ANKRD66: variants seen among roughly 807,000 people sequenced by gnomAD.
ANKRD66 encodes the protein ankyrin repeat domain 66, also known as ankyrin repeat domain-containing protein 66.
Under a neutral mutation model 10.9 loss-of-function variants are expected in ANKRD66, and 10 were observed. That is an observed-to-expected ratio of 0.91 (90% CI 0.56 to 1.55). The LOEUF is 1.55. Ranked by LOEUF, ANKRD66 falls within the 40% of genes most tolerant of loss-of-function variation. The probability of loss-of-function intolerance (pLI) is 0.00; values close to 1 mark genes in which losing one functional copy is unlikely to be tolerated. For missense variants in ANKRD66, 252 were observed against 242.9 expected, an observed-to-expected ratio of 1.04 and a Z score of -0.25; for synonymous variants, 85 against 88.4, an observed-to-expected ratio of 0.96 and a Z score of 0.22.
At chr6:46,749,678 T>C (rs1463646421) in intron 1 of ANKRD66, among the ~76,000 whole-genome samples, 1 of 151,526 alleles carries the variant, frequency 6.6e-6, no homozygotes, top group African/African-American at 2.4e-5. Context: ...TTGCAGCATG[T>C]GACTCTGGAC....
At chr6:46,748,670 A>G (rs1240505666) in intron 1 of ANKRD66, among the ~76,000 whole-genome samples, 20 of 152,172 alleles carry the variant, frequency 1.3e-4, no homozygotes, top group Admixed American at 1.3e-3. Context: ...TGTCCTGCAC[A>G]CCCAAAGATT....
Position 46,751,989 on chromosome 6 carries a change from A to G in ANKRD66, c.41A>G (p.Gln14Arg), listed in dbSNP as rs761185909. 3 of 1,507,552 alleles carry G rather than the reference A, an allele frequency of 2.0e-6. No individual in the cohort carries two copies. The African/African-American group carries it at 4.3e-5, about 22-fold the overall frequency. 93.4% of individuals were successfully genotyped at this position (1,507,552 alleles called of 1,614,324 possible). ...ATGTCAGACATGACAAAGCTTCACC[A>G]AGCTGTGGCTGCAGGAGACTACAGC... ...AKMSDMTKLH[Q>R]AVAAGDYSLV... is the part of the protein sequence containing the mutation. Residue 14 changes from glutamine (Q) to arginine (R), a missense_variant, in exon 3 of 5, where the codon CAA becomes CGA. Transcript: ENST00000565422.
chr6:46,753,650 C>A (rs1766313753), intron 3 of ANKRD66, 72 bp from the exon 4 acceptor site: 2 of 1,401,758 alleles, frequency 1.4e-6, no homozygotes, highest in Non-Finnish European at 1.9e-6. Flanking sequence ...GTTACCTAGA[C>A]TGGCCCTGGC....
chr6:46,754,341 C>T (rs113243123), intron 4 of ANKRD66, among the ~76,000 whole-genome samples: 6,701 of 152,198 alleles, frequency 0.044, 214 homozygotes, highest in Non-Finnish European at 0.074. Flanking sequence ...TAAAACGAGG[C>T]AGGTGAATTA....
chr6:46,757,543 T>C (rs1197169513), intron 4 of ANKRD66: 1 of 152,176 alleles, frequency 6.6e-6, no homozygotes, highest in Non-Finnish European at 1.5e-5. Flanking sequence ...CTGCGTGGGA[T>C]TGAAGACTGC....
In ANKRD66 at chr6:46,752,081, C is replaced by A; in HGVS notation, c.133C>A (p.Arg45=). The change falls in exon 3 of 5, where the codon CGG becomes AGG. Residue 45 remains arginine, a synonymous_variant. Transcript: ENST00000565422. ...PNYKDVDWND[R]TPLHWAAIKG... ...CTACAAAGATGTAGACTGGAATGAC[C>A]GGACCCCACTTCACTGGGCTGCAAT... 1 of 1,511,296 alleles carries A rather than the reference C, an allele frequency of 6.6e-7. No homozygotes were observed. The highest frequency in any genetic ancestry group is 2.3e-5 in the Admixed American group (1 of 43,516). 93.6% of individuals were successfully genotyped at this position (1,511,296 alleles called of 1,614,324 possible).
intron 1 of ANKRD66, among the ~76,000 whole-genome samples, chr6:46,748,777 T>G (rs1766198320): frequency 6.6e-6 from 1 of 152,190 alleles, no homozygotes; most frequent in Non-Finnish European, 1.5e-5. Context: ...TGCCACATCC[T>G]TACTCCCTCC....
rs1194901982 is a variant in ANKRD66, at chr6:46,747,026, T to C, written c.-97+36T>C. On this transcript the variant is annotated intron_variant, in intron 1 of 4. Transcript: ENST00000565422. Reference sequence around the variant, plus strand: ...TTAAGTTACCCTCTCTTATTTACTATAGTTATTAAAAATCACTCACATTTA... The same window carrying C: ...TTAAGTTACCCTCTCTTATTTACTACAGTTATTAAAAATCACTCACATTTA... 7.2e-6 allele frequency: 11 copies of C among 1,527,200 alleles called. No homozygotes were observed. The African/African-American group carries it at 1.5e-4, about 21-fold the overall frequency. The allele number at this position is 1,527,200 out of a possible 1,614,324, so 94.6% of individuals were successfully genotyped here.
In ANKRD66 at chr6:46,758,984, CA is replaced by C; in HGVS notation, c.*64del. The C allele has an allele frequency of 6.9e-7, 1 of 1,453,018 alleles. No homozygotes were observed. 90.0% of individuals were successfully genotyped at this position (1,453,018 alleles called of 1,614,324 possible). A position where few individuals can be genotyped will look rare whatever the true frequency, so the allele number is the denominator to read the frequency against. The stretch of plus-strand genomic sequence containing the variant: ...TGGTGCCAGAAATGAGGCTGTTAGG[CA>C]TGGTGGCCTTTCCATGACTTTACTC... On this transcript the variant is annotated 3_prime_UTR_variant, in exon 5 of 5. Coordinates refer to ENST00000565422, the MANE Select transcript of ANKRD66 (RefSeq NM_001162435.3).
chr6:46,749,557 C>CCCCG (rs1562089760), intron 1 of ANKRD66, among the ~76,000 whole-genome samples: 1 of 96,334 alleles, frequency 1.0e-5, no homozygotes, highest in African/African-American at 4.2e-5. Flanking sequence ...TATTCCCCCC[C>CCCCG]CCCCCCCCCC....
rs1766318346 is a variant in ANKRD66 at position 46,753,849 on chromosome 6, T to C, written c.291T>C (p.His97=). Residue 97 remains histidine, a synonymous_variant, in exon 4 of 5, where the codon CAT becomes CAC. Coordinates refer to ENST00000565422, the MANE Select transcript of ANKRD66 (RefSeq NM_001162435.3). ...AGHLNILKTL[H]ALHAAIDAPD... ...ATCTGAATATACTCAAAACTCTCCATGCATTGCACGCTGCCATCGACGCCC... is the reference window on the plus strand; with the variant it reads ...ATCTGAATATACTCAAAACTCTCCACGCATTGCACGCTGCCATCGACGCCC... The C allele has an allele frequency of 1.3e-6, 2 of 1,551,606 alleles. No individual in the cohort carries two copies. Among genetic ancestry groups the C allele is most frequent in the Non-Finnish European group, 1.7e-6 (2 of 1,147,002 alleles).
rs1344542935 is a variant in ANKRD66, at chr6:46,749,783, T to G, written c.-96-113T>G. The G allele has an allele frequency of 1.1e-5, 15 of 1,336,746 alleles. No individual in the cohort carries two copies. The South Asian group carries it at 1.7e-4, about 15-fold the overall frequency. The allele number at this position is 1,336,746 out of a possible 1,614,324, so 82.8% of individuals were successfully genotyped here. ...CATCAGGACCCAGCTTAGGCCACTT[T>G]TAGAGAAAGCTCTTTTACTTTCCGG... On this transcript the variant is annotated intron_variant, in intron 1 of 4. Transcript: ENST00000565422.
At position 46,758,704 on chromosome 6, in the gene ANKRD66, G is replaced by A; in HGVS notation, c.393-19G>A. ...GGTCCTCCTGATCCAAGTTCAGAAG[G>A]CTCTCTCTTCTTTCCTAGGGCAGAG... On this transcript the variant is annotated intron_variant, in intron 4 of 4. Coordinates refer to ENST00000565422, the MANE Select transcript of ANKRD66 (RefSeq NM_001162435.3). 6.5e-7 allele frequency: 1 copy of A among 1,529,420 alleles called. No individual in the cohort carries two copies. Among genetic ancestry groups the A allele is most frequent in the Non-Finnish European group, 8.8e-7 (1 of 1,138,702 alleles). 94.7% of individuals were successfully genotyped at this position (1,529,420 alleles called of 1,614,324 possible).
At chr6:46,752,193 G>A in intron 3 of ANKRD66, 82 bp downstream of exon 3, 2 of 1,305,970 alleles carry the variant, frequency 1.5e-6, no homozygotes, top group South Asian at 2.1e-5. Flanking sequence ...ATGTGGGGGA[G>A]TGGAACAAAC....
At position 46,749,844 on chromosome 6, in the gene ANKRD66, C is replaced by T. The variant is rs1338223454; in HGVS notation, c.-96-52C>T. ...TGGTTCTTTCTCTCTGTCCTCTGGG[C>T]ATTTAGGGCATTGCATTTTAATTAC... is the stretch of plus-strand genomic sequence containing the variant. On this transcript the variant is annotated intron_variant, in intron 1 of 4. Coordinates refer to ENST00000565422, the MANE Select transcript of ANKRD66 (RefSeq NM_001162435.3). The T allele has an allele frequency of 1.3e-5, 20 of 1,524,752 alleles. 1 individual carries two copies. Among genetic ancestry groups the T allele is most frequent in the South Asian group, 4.9e-5 (4 of 81,220 alleles). 94.5% of individuals were successfully genotyped at this position (1,524,752 alleles called of 1,614,324 possible).
chr6:46,753,780 T>C lies in ANKRD66; in HGVS notation c.222T>C (p.Thr74=). The change falls in exon 4 of 5, where the codon ACT becomes ACC. Residue 74 remains threonine, a synonymous_variant. Coordinates refer to ENST00000565422, the MANE Select transcript of ANKRD66 (RefSeq NM_001162435.3). ...ATGGAGCCAGGCCCTGCCTGGTTACTAGTGTGGGCTGGACCCCAGCTCATT... is the reference window on the plus strand; with the variant it reads ...ATGGAGCCAGGCCCTGCCTGGTTACCAGTGTGGGCTGGACCCCAGCTCATT... The part of the protein sequence containing the change: ...IEYGARPCLV[T]SVGWTPAHFA... The C allele has an allele frequency of 6.4e-7, 1 of 1,551,684 alleles. No individual in the cohort carries two copies. The highest frequency in any genetic ancestry group is 8.7e-7 in the Non-Finnish European group (1 of 1,146,978).
At chr6:46,752,798 T>A (rs1696624942) in intron 3 of ANKRD66, among the ~76,000 whole-genome samples, 1 of 152,298 alleles carries the variant, frequency 6.6e-6, no homozygotes, top group South Asian at 2.1e-4. Flanking sequence ...TTTGCTTCAT[T>A]CCTCATTGAA....
chr6:46,755,649 T>G (rs1229902922), intron 4 of ANKRD66, among the ~76,000 whole-genome samples: 1 of 152,204 alleles, frequency 6.6e-6, no homozygotes, highest in East Asian at 1.9e-4. Flanking sequence ...TCCTGTATTT[T>G]TAGTGTTTTT....
At chr6:46,747,547 G>T (rs1055208574) in intron 1 of ANKRD66, among the ~76,000 whole-genome samples, 2 of 152,192 alleles carry the variant, frequency 1.3e-5, no homozygotes, top group Non-Finnish European at 2.9e-5. Flanking sequence ...ATACATGGAG[G>T]TATGCAATAT....
Sources: gnomAD v4.1 joint callset for allele counts (sites outside exome capture counted in the v4.1 genomes callset) on GRCh38, gnomAD v4.1.1 for gene constraint, MANE v1.5 for transcripts, NCBI Gene and HGNC (gene_info 2026-07-23, HGNC 2026-07-21) for gene names.